Variants in VTCN1 observed in about 807,000 individuals in gnomAD.
The protein encoded by VTCN1 is V-set domain-containing T-cell activation inhibitor 1.
VTCN1 carries 26 observed loss-of-function variants against 26.5 expected under a neutral mutation model. The ratio of observed to expected loss-of-function variants is 0.98; its 90% CI spans 0.72 to 1.36. The LOEUF (loss-of-function observed/expected upper bound fraction) is 1.36, where lower values mean the gene tolerates loss of function less well. Among genes scored for constraint, VTCN1 ranks in the 40% most tolerant of loss-of-function variants. VTCN1 has a pLI of 0.00. For missense variants in VTCN1, 298 were observed against 337.7 expected (o/e 0.88, Z 0.92); for synonymous variants, 116 against 130.7 (o/e 0.89, Z 0.77).
At chr1:117,205,906 G>C (rs1172567173) in intron 1 of VTCN1, among the ~76,000 whole-genome samples, 1 of 152,088 alleles carries the variant, frequency 6.6e-6, no homozygotes, top group Non-Finnish European at 1.5e-5. Flanking sequence ...GGCCCCTGAG[G>C]TTGTTGTTCT....
rs1651488633 is a variant in VTCN1, at chr1:117,146,077, C to T, written c.*46-852G>A. 6.6e-6 allele frequency among the ~76,000 whole-genome samples: 1 copy of T among 152,008 alleles called. No individual in the cohort carries two copies. The highest frequency in any genetic ancestry group is 6.6e-5 in the Admixed American group (1 of 15,260). ...TGAACATTATCCATTAGATGTATGT[C>T]GTGGATATTTTTTTAAAGCTGTAAA... On this transcript the variant is annotated intron_variant, in intron 5 of 5. Transcript: ENST00000369458. This position sits in a 1 kb window ranked among gnomAD's most constrained non-coding sequence, Gnocchi z 4.2.
intron 1 of VTCN1, among the ~76,000 whole-genome samples, chr1:117,172,905 G>C (rs1652999037): frequency 6.6e-6 from 1 of 152,172 alleles, no homozygotes. Flanking sequence ...CAGGATGTGG[G>C]TGAGGCCAAA....
At position 117,143,844 on chromosome 1, in the gene VTCN1, T is replaced by C. The variant is rs1241401541; in HGVS notation, c.*1427A>G. 1 of 152,218 alleles carries C rather than the reference T, an allele frequency of 6.6e-6. No individual in the cohort carries two copies. Among genetic ancestry groups the C allele is most frequent in the Non-Finnish European group, 1.5e-5 (1 of 68,050 alleles). The allele number at this position is 152,218 out of a possible 1,614,324, so 9.4% of individuals were successfully genotyped here. ...GTGCTTCATGGAAGGTATATGTTTG[T>C]TGCCTTAATTTGAATTGTGGCCAGG... On this transcript the variant is annotated 3_prime_UTR_variant, in exon 6 of 6. Transcript: ENST00000369458.
At chr1:117,202,105 G>C (rs544796315) in intron 1 of VTCN1, among the ~76,000 whole-genome samples, 4 of 152,236 alleles carry the variant, frequency 2.6e-5, no homozygotes, top group South Asian at 2.1e-4. Context: ...ATCATGCCTC[G>C]TAAGACTTTA....
chr1:117,208,627 A>G (rs1304299364), intron 1 of VTCN1, among the ~76,000 whole-genome samples: 2 of 152,172 alleles, frequency 1.3e-5, no homozygotes, highest in Non-Finnish European at 2.9e-5. Context: ...CTGTCCTCCT[A>G]GCAAGCATTC....
chr1:117,168,961 C>A (rs1652756550), intron 2 of VTCN1, among the ~76,000 whole-genome samples: 1 of 152,188 alleles, frequency 6.6e-6, no homozygotes, highest in Non-Finnish European at 1.5e-5. Context: ...GCAAACACAA[C>A]TCTAGCAAGT....
chr1:117,203,590 A>T, intron 1 of VTCN1: 1 of 985,206 alleles, frequency 1.0e-6, no homozygotes, highest in African/African-American at 1.7e-5. Flanking sequence ...AAGCGCACAC[A>T]GAGAGAAATG....
In VTCN1 at chr1:117,200,130, A is replaced by T. The variant is rs545311978; in HGVS notation, c.32+10694T>A. ...AAGGATAGAACTATGGGCCAGTCAC[A>T]GTGGCTTATGCCTGTAATTCCAGTA... On this transcript the variant is annotated intron_variant, in intron 1 of 5. Coordinates refer to ENST00000369458, the MANE Select transcript of VTCN1 (RefSeq NM_024626.4). Among the ~76,000 whole-genome samples the T allele has an allele frequency of 3.3e-4, 51 of 152,346 alleles. 3 individuals carry two copies. The South Asian group carries it at 0.01, about 30-fold the overall frequency.
intron 1 of VTCN1, among the ~76,000 whole-genome samples, chr1:117,205,092 T>TATATGTATATGTAC (rs1227150982): frequency 1.9e-4 from 1 of 5,404 alleles, no homozygotes; most frequent in Non-Finnish European, 2.4e-3. Flanking sequence ...TATATGTATG[T>TATATGTATATGTAC]ATGTATATGT....
chr1:117,184,621 G>T (rs1288768639), intron 1 of VTCN1, among the ~76,000 whole-genome samples: 1 of 152,120 alleles, frequency 6.6e-6, no homozygotes, highest in African/African-American at 2.4e-5. Flanking sequence ...CTGAGCTTCA[G>T]GGAAGAATAT....
chr1:117,147,669 T>A lies in VTCN1; in HGVS notation c.838A>T (p.Met280Leu), dbSNP rs759009169. 6.2e-7 allele frequency: 1 copy of A among 1,613,020 alleles called. No homozygotes were observed. Among genetic ancestry groups the A allele is most frequent in the Non-Finnish European group, 8.5e-7 (1 of 1,179,648 alleles). The stretch of plus-strand genomic sequence containing the variant: ...GTGGCCGAGGCACATTATTTTAGCA[T>A]CAGGTAAGGGCTGAGAGGCAGAAGT... ...WALLPLSPYL[M>L]LK is the part of the protein sequence containing the mutation. Residue 280 changes from methionine (M) to leucine (L), a missense_variant, in exon 5 of 6, where the codon ATG becomes TTG. Coordinates refer to ENST00000369458, the MANE Select transcript of VTCN1 (RefSeq NM_024626.4). The surrounding 1 kb of genome is among the most constrained non-coding windows in gnomAD (Gnocchi z 4.6).
At chr1:117,193,942 C>G (rs955882064) in intron 1 of VTCN1, among the ~76,000 whole-genome samples, 3 of 152,058 alleles carry the variant, frequency 2.0e-5, no homozygotes, top group Admixed American at 6.6e-5. Flanking sequence ...GAAAAAAGCT[C>G]CCTTTGATGT....
Position 117,209,278 on chromosome 1 carries a change from C to T in VTCN1, c.32+1546G>A, listed in dbSNP as rs146859909. Reference sequence around the variant, plus strand: ...AAAACCAGTCAGACTGGATGCAAAGCATTACGAGAGAGCCCACACATCCCA... The same window carrying T: ...AAAACCAGTCAGACTGGATGCAAAGTATTACGAGAGAGCCCACACATCCCA... On this transcript the variant is annotated intron_variant, in intron 1 of 5. Coordinates refer to ENST00000369458, the MANE Select transcript of VTCN1 (RefSeq NM_024626.4). Among the ~76,000 whole-genome samples, 582 of 152,310 alleles carry T rather than the reference C, an allele frequency of 3.8e-3. 3 individuals carry two copies. Among genetic ancestry groups the T allele is most frequent in the African/African-American group, 0.013 (549 of 41,568 alleles).
chr1:117,168,531 C>T (rs1241541951), intron 2 of VTCN1, among the ~76,000 whole-genome samples: 9 of 152,240 alleles, frequency 5.9e-5, no homozygotes, highest in Admixed American at 5.9e-4. Flanking sequence ...TTACAAAAAG[C>T]TCCAAGTATA....
intron 2 of VTCN1, among the ~76,000 whole-genome samples, chr1:117,165,524 T>A (rs1239165486): frequency 1.3e-5 from 2 of 152,024 alleles, no homozygotes; most frequent in Admixed American, 6.6e-5. Flanking sequence ...AGGCCCTGAG[T>A]TCACATGAGA....
chr1:117,173,522 A>T (rs1653040955), intron 1 of VTCN1, among the ~76,000 whole-genome samples: 2 of 152,328 alleles, frequency 1.3e-5, no homozygotes, highest in South Asian at 4.1e-4. Context: ...AATCCTGCAG[A>T]CATGTCCATC....
At chr1:117,193,198 G>A (rs1314848630) in intron 1 of VTCN1, among the ~76,000 whole-genome samples, 2 of 152,010 alleles carry the variant, frequency 1.3e-5, no homozygotes, top group African/African-American at 4.8e-5. Context: ...TTTGGGGTGG[G>A]GGAGTGGTTC....
intron 1 of VTCN1, among the ~76,000 whole-genome samples, chr1:117,198,641 C>G (rs962257040): frequency 1.3e-5 from 2 of 152,274 alleles, no homozygotes; most frequent in East Asian, 3.9e-4. Flanking sequence ...CACCACCCAC[C>G]TGGTAGTTGT....
At chr1:117,208,390 T>C (rs2101614084) in intron 1 of VTCN1, among the ~76,000 whole-genome samples, 1 of 152,254 alleles carries the variant, frequency 6.6e-6, no homozygotes, top group Non-Finnish European at 1.5e-5. Flanking sequence ...CCAAAAGCCT[T>C]GGGTGAGGGA....
Sources: allele counts gnomAD v4.1 joint callset (sites outside exome capture counted in the v4.1 genomes callset), GRCh38; gene constraint gnomAD v4.1.1; non-coding constraint Gnocchi (gnomAD v3.1); transcripts MANE v1.5; gene names NCBI Gene and HGNC (gene_info 2026-07-23, HGNC 2026-07-21).